The following FBXW10B variants were observed in gnomAD, a reference collection of about 807,000 sequenced individuals.
FBXW10B encodes the protein F-box and WD repeat domain containing protein 10B.
the FBXW10B span, among the ~76,000 whole-genome samples, chr17:15,604,557 T>C: frequency 6.6e-6 from 1 of 152,130 alleles, no homozygotes; most frequent in Non-Finnish European, 1.5e-5. Flanking sequence ...TTTTTTGAGA[T>C]GGAGTCTTGC....
the FBXW10B span, among the ~76,000 whole-genome samples, chr17:15,614,743 G>A: frequency 6.6e-6 from 1 of 152,140 alleles, no homozygotes; most frequent in African/African-American, 2.4e-5. Flanking sequence ...ACATACTTTT[G>A]AAATTTGAAA....
At chr17:15,594,794 T>C in the FBXW10B span, 1 of 1,613,996 alleles carries the variant, frequency 6.2e-7, no homozygotes, top group Non-Finnish European at 8.5e-7. Context: ...TTCCCCACCA[T>C]GCTCCAGGCC....
chr17:15,590,522 C>T, the FBXW10B span, among the ~76,000 whole-genome samples: 3 of 146,980 alleles, frequency 2.0e-5, no homozygotes, highest in South Asian at 6.6e-4. Context: ...TAGATGACAT[C>T]TGCGTGTTCA....
At chr17:15,598,627 C>T in the FBXW10B span, 1 of 1,612,656 alleles carries the variant, frequency 6.2e-7, no homozygotes, top group Non-Finnish European at 8.5e-7. Context: ...GATTCGTGTG[C>T]AAACCCCACT....
At chr17:15,589,420 G>A in the FBXW10B span, 1 of 273,074 alleles carries the variant, frequency 3.7e-6, no homozygotes, top group Non-Finnish European at 5.6e-6. Context: ...ACGAATTCAT[G>A]GGGCGGGGAG....
chr17:15,615,888 AT>A, the FBXW10B span: 3 of 1,592,732 alleles, frequency 1.9e-6, no homozygotes, highest in Non-Finnish European at 2.6e-6. Flanking sequence ...AAACTTTTTC[AT>A]TTTTTCTTCC....
chr17:15,592,142 A>G, the FBXW10B span, among the ~76,000 whole-genome samples: 1 of 152,230 alleles, frequency 6.6e-6, no homozygotes, highest in African/African-American at 2.4e-5. Flanking sequence ...AACCAACAGC[A>G]TAAACTCTCT....
chr17:15,578,610 G>A, the FBXW10B span, among the ~76,000 whole-genome samples: 5 of 152,044 alleles, frequency 3.3e-5, no homozygotes, highest in Non-Finnish European at 7.4e-5. Flanking sequence ...TGGGTGTTAT[G>A]GGATCCAGGA....
chr17:15,569,449 CTTTT>C, the FBXW10B span, among the ~76,000 whole-genome samples: 1 of 116,124 alleles, frequency 8.6e-6, no homozygotes, highest in Non-Finnish European at 1.8e-5. Context: ...TTTTCTTTTT[CTTTT>C]TCTTTTTTTT....
chr17:15,606,171 T>C, the FBXW10B span, among the ~76,000 whole-genome samples: 29,565 of 137,226 alleles, frequency 0.22, 7,193 homozygotes, highest in African/African-American at 0.42. Flanking sequence ...TCAAACGATC[T>C]TCCTACCTCA....
chr17:15,616,576 A>G, the FBXW10B span, among the ~76,000 whole-genome samples: 1 of 152,026 alleles, frequency 6.6e-6, no homozygotes, highest in African/African-American at 2.4e-5. Flanking sequence ...AGGCTGAGGC[A>G]GGCGGATCAC....
the FBXW10B span, among the ~76,000 whole-genome samples, chr17:15,581,638 C>T: frequency 6.6e-6 from 1 of 151,470 alleles, no homozygotes; most frequent in Admixed American, 6.6e-5. Context: ...CCAGGCCGGC[C>T]GCAGTCAGCA....
chr17:15,601,679 A>G, the FBXW10B span, among the ~76,000 whole-genome samples: 1 of 152,238 alleles, frequency 6.6e-6, no homozygotes, highest in Non-Finnish European at 1.5e-5. Context: ...GAAAGAACAC[A>G]GATGATCTAA....
the FBXW10B span, chr17:15,566,087 G>A: frequency 3.6e-4 from 585 of 1,606,948 alleles, no homozygotes; most frequent in Non-Finnish European, 4.2e-4. Flanking sequence ...AATCTCAACC[G>A]ATCAACTGCA....
chr17:15,601,363 CG>C, the FBXW10B span, among the ~76,000 whole-genome samples: 1 of 142,730 alleles, frequency 7.0e-6, no homozygotes, highest in Non-Finnish European at 1.5e-5. Context: ...GAGCTGAGAT[CG>C]CACTACCGCA....
At chr17:15,569,686 C>T in the FBXW10B span, among the ~76,000 whole-genome samples, 4 of 151,716 alleles carry the variant, frequency 2.6e-5, no homozygotes, top group African/African-American at 4.8e-5. Flanking sequence ...TCTCCTGCCT[C>T]GGCCTCCTAA....
the FBXW10B span, among the ~76,000 whole-genome samples, chr17:15,603,917 C>CAA: frequency 1.8e-4 from 20 of 113,866 alleles, 2 homozygotes; most frequent in African/African-American, 6.0e-4. Context: ...CTAAAAAATA[C>CAA]AAAAAAAAAA....
chr17:15,574,099 C>T, the FBXW10B span: 2 of 731,880 alleles, frequency 2.7e-6, no homozygotes, highest in Non-Finnish European at 5.0e-6. Flanking sequence ...CGTCACTGTT[C>T]TAGAGGCTTC....
chr17:15,566,411 G>C, the FBXW10B span: 24 of 1,340,598 alleles, frequency 1.8e-5, 1 homozygote, highest in Non-Finnish European at 2.3e-5. Flanking sequence ...AAAATATTAA[G>C]TACGTATGCA....
Sources: allele counts gnomAD v4.1 joint callset (sites outside exome capture counted in the v4.1 genomes callset), GRCh38; gene constraint gnomAD v4.1.1; transcripts MANE v1.5; gene names NCBI Gene and HGNC (gene_info 2026-07-23, HGNC 2026-07-21).